Variants in CA10 observed in about 807,000 individuals in gnomAD.
CA10 encodes carbonic anhydrase 10 (inactive), also known as carbonic anhydrase-related protein 10.
CA10 carries 14 observed loss-of-function variants against 44.2 expected under a neutral mutation model. That is an observed-to-expected ratio of 0.32 (90% CI 0.21 to 0.50). The LOEUF is 0.50. Ranked by LOEUF, CA10 falls within the 20% of genes least tolerant of loss-of-function variation. The pLI, the probability that CA10 is intolerant of heterozygous loss-of-function variation, is 0.99. For synonymous variants in CA10, 159 were observed against 141.6 expected (o/e 1.12, Z -0.87); for missense variants, 350 against 409.7 (o/e 0.85, Z 1.26).
chr17:51,794,866 T>G (rs998638689), intron 3 of CA10, among the ~76,000 whole-genome samples: 1 of 152,214 alleles, frequency 6.6e-6, no homozygotes, highest in African/African-American at 2.4e-5. Flanking sequence ...TTCAAACATG[T>G]GAAATCCTCA....
At chr17:51,803,265 G>C (rs1422447510) in intron 3 of CA10, among the ~76,000 whole-genome samples, 1 of 152,200 alleles carries the variant, frequency 6.6e-6, no homozygotes, top group Non-Finnish European at 1.5e-5. Context: ...GATTACTGTA[G>C]CAGAAGTGGC....
intron 3 of CA10, among the ~76,000 whole-genome samples, chr17:51,781,156 A>G (rs1452048774): frequency 6.6e-6 from 1 of 152,230 alleles, no homozygotes; most frequent in Non-Finnish European, 1.5e-5. Context: ...AGGGACTCCA[A>G]TGGTAAAGAC....
At chr17:51,663,869 C>T (rs1914107856) in intron 4 of CA10, among the ~76,000 whole-genome samples, 2 of 152,230 alleles carry the variant, frequency 1.3e-5, no homozygotes, top group South Asian at 2.1e-4. Context: ...TTCACATTTG[C>T]ATCTTACTTT....
chr17:52,033,843 T>C (rs1220517865), intron 2 of CA10, among the ~76,000 whole-genome samples: 1 of 152,204 alleles, frequency 6.6e-6, no homozygotes, highest in Non-Finnish European at 1.5e-5. Flanking sequence ...CCTAAGAGAT[T>C]ATTCAGCTTT....
chr17:52,001,976 C>A (rs79669313), intron 2 of CA10, among the ~76,000 whole-genome samples: 1 of 151,708 alleles, frequency 6.6e-6, no homozygotes, highest in Non-Finnish European at 1.5e-5. Context: ...CTTTCTAGGT[C>A]AAAAATAAGG....
rs115227661 is a variant in CA10, at chr17:51,672,815, C to T, written c.466-19079G>A. 2.7e-3 allele frequency among the ~76,000 whole-genome samples: 405 copies of T among 152,316 alleles called. 1 individual carries two copies. Among genetic ancestry groups the T allele is most frequent in the African/African-American group, 8.0e-3 (334 of 41,566 alleles). ...CTGAATTGAACATAAATGAATTCTA[C>T]CAGCCCAGATCCCTCACCCTGCCAG... is the stretch of plus-strand genomic sequence containing the variant. On this transcript the variant is annotated intron_variant, in intron 4 of 8. Coordinates refer to ENST00000451037, the MANE Select transcript of CA10 (RefSeq NM_020178.5).
chr17:51,971,242 C>T (rs1365651458), intron 2 of CA10, among the ~76,000 whole-genome samples: 1 of 152,140 alleles, frequency 6.6e-6, no homozygotes, highest in Middle Eastern at 3.4e-3. Context: ...ACAGGCACCT[C>T]CGAGCTTACA....
In CA10 at chr17:51,960,553, T is replaced by C. The variant is rs1299964472; in HGVS notation, c.137-29421A>G. On this transcript the variant is annotated intron_variant, in intron 2 of 8. Transcript: ENST00000451037. ...AAAAATAATTCAAATGACAACGTAT[T>C]TTAGTGAAAATCATAGAAGCCAGAA... 2.0e-5 allele frequency among the ~76,000 whole-genome samples: 3 copies of C among 152,258 alleles called. No individual in the cohort carries two copies. The East Asian group carries it at 5.8e-4, about 29-fold the overall frequency.
Position 51,818,895 on chromosome 17 carries a change from A to T in CA10, c.280-71077T>A, listed in dbSNP as rs76658845. Among the ~76,000 whole-genome samples the T allele has an allele frequency of 8.5e-3, 1,294 of 152,288 alleles. 19 individuals carry two copies. Among genetic ancestry groups the T allele is most frequent in the African/African-American group, 0.029 (1,224 of 41,552 alleles). Reference sequence around the variant, plus strand: ...GATGATGTGGATAAAGCATGTAATGAAGTCCCTGGCATGTAGTAACACTAT... The same window carrying T: ...GATGATGTGGATAAAGCATGTAATGTAGTCCCTGGCATGTAGTAACACTAT... On this transcript the variant is annotated intron_variant, in intron 3 of 8. Coordinates refer to ENST00000451037, the MANE Select transcript of CA10 (RefSeq NM_020178.5).
At chr17:51,754,342 G>A (rs1219616367) in intron 3 of CA10, among the ~76,000 whole-genome samples, 3 of 138,952 alleles carry the variant, frequency 2.2e-5, no homozygotes, top group South Asian at 2.4e-4. Flanking sequence ...GTATAAAGAC[G>A]GGTAAAATAA....
chr17:51,851,358 C>T lies in CA10; in HGVS notation c.279+79632G>A, dbSNP rs368394641. ...ACATGGGTACAGAGGAGAAAGAAGG[C>T]ACAAACAGAGCCAGCCAAACCTGCA... On this transcript the variant is annotated intron_variant, in intron 3 of 8. Transcript: ENST00000451037. Among the ~76,000 whole-genome samples, 7 of 152,178 alleles carry T rather than the reference C, an allele frequency of 4.6e-5. No individual in the cohort carries two copies. In the East Asian group the frequency reaches 7.7e-4, roughly 17 times the overall value.
chr17:51,970,605 T>C (rs1201309351), intron 2 of CA10, among the ~76,000 whole-genome samples: 2 of 152,098 alleles, frequency 1.3e-5, no homozygotes, highest in East Asian at 3.9e-4. Context: ...TTCAGAATTA[T>C]TTGAACCATT....
At chr17:51,673,926 T>C (rs192865176) in intron 4 of CA10, among the ~76,000 whole-genome samples, 1 of 152,010 alleles carries the variant, frequency 6.6e-6, no homozygotes, top group African/African-American at 2.4e-5. Context: ...TGTTTGCACA[T>C]CTGTATCTGT....
At chr17:51,990,308 G>A (rs1984995202) in intron 2 of CA10, among the ~76,000 whole-genome samples, 1 of 152,074 alleles carries the variant, frequency 6.6e-6, no homozygotes, top group Non-Finnish European at 1.5e-5. Context: ...TTGTGTGGAA[G>A]CCATGGTCAG....
intron 1 of CA10, among the ~76,000 whole-genome samples, chr17:52,090,249 G>A (rs1988223518): frequency 6.6e-6 from 1 of 152,122 alleles, no homozygotes; most frequent in African/African-American, 2.4e-5. Flanking sequence ...TAGTTTTAAT[G>A]AAATCCTAAT....
At chr17:52,084,989 C>G (rs1249727258) in intron 1 of CA10, among the ~76,000 whole-genome samples, 1 of 152,180 alleles carries the variant, frequency 6.6e-6, no homozygotes, top group East Asian at 1.9e-4. Context: ...AATAGCCATC[C>G]TGAACCATCA....
intron 4 of CA10, among the ~76,000 whole-genome samples, chr17:51,679,905 T>C (rs374573253): frequency 6.6e-6 from 1 of 152,224 alleles, no homozygotes; most frequent in African/African-American, 2.4e-5. Flanking sequence ...TGAAGAAGGC[T>C]GTTTCACGAC....
At chr17:52,094,356 A>G (rs2143222507) in intron 1 of CA10, among the ~76,000 whole-genome samples, 1 of 152,202 alleles carries the variant, frequency 6.6e-6, no homozygotes, top group Admixed American at 6.5e-5. Flanking sequence ...ATTGTGTCAC[A>G]CTAAACAATA....
chr17:51,730,100 A>T (rs182046577), intron 4 of CA10, among the ~76,000 whole-genome samples: 515 of 152,320 alleles, frequency 3.4e-3, no homozygotes, highest in Non-Finnish European at 5.0e-3. Flanking sequence ...GAGGACTCCT[A>T]TTGTAGACAG....
Sources: allele counts gnomAD v4.1 joint callset (sites outside exome capture counted in the v4.1 genomes callset), GRCh38; gene constraint gnomAD v4.1.1; transcripts MANE v1.5; gene names NCBI Gene and HGNC (gene_info 2026-07-23, HGNC 2026-07-21).